Variants in HUWE1 observed in about 807,000 individuals in gnomAD.
The protein encoded by HUWE1 is HECT, UBA and WWE domain containing E3 ubiquitin protein ligase 1.
Under a neutral mutation model 299.4 loss-of-function variants are expected in HUWE1, and 18 were observed. The ratio of observed to expected loss-of-function variants is 0.06; its 90% CI spans 0.04 to 0.09. The LOEUF (loss-of-function observed/expected upper bound fraction) is 0.09, where lower values mean the gene tolerates loss of function less well. Ranked by LOEUF, HUWE1 falls within the 10% of genes least tolerant of loss-of-function variation. HUWE1 has a pLI of 1.00. For synonymous variants in HUWE1, 1,317 were observed against 1,286.1 expected, an observed-to-expected ratio of 1.02 and a Z score of -0.51; for missense variants, 1,832 against 3,462.3, an observed-to-expected ratio of 0.53 and a Z score of 11.82.
chrX:53,553,576 G>A (rs1465305033), intron 61 of HUWE1, among the ~76,000 whole-genome samples: 2 of 107,792 alleles, frequency 1.9e-5, no homozygotes, highest in Non-Finnish European at 3.9e-5. Flanking sequence ...TTGGGAGGCC[G>A]AGGCGGGTGG....
intron 48 of HUWE1, among the ~76,000 whole-genome samples, 163 bp downstream of exon 48, chrX:53,569,453 T>C (rs1569453289): frequency 8.8e-6 from 1 of 113,190 alleles, no homozygotes; most frequent in Non-Finnish European, 1.9e-5. Flanking sequence ...TGGTAATCAG[T>C]GCTCTGGCTA....
At chrX:53,683,613 C>T (rs2070306296) in intron 2 of HUWE1, among the ~76,000 whole-genome samples, 1 of 111,374 alleles carries the variant, frequency 9.0e-6, no homozygotes, top group African/African-American at 3.3e-5. Context: ...CGGGCCCACA[C>T]GCGGCCGAGG....
chrX:53,578,713 TCCGGGAGGTGAGGGGCGCCTCTGCCCGG>T (rs2063374856), intron 43 of HUWE1, among the ~76,000 whole-genome samples: 1 of 65,500 alleles, frequency 1.5e-5, no homozygotes, highest in African/African-American at 6.2e-5. Flanking sequence ...AGCCGCCCCG[TCCGGGAGGTGAGGGGCGCCTCTGCCCGG>T]CCGCCCCTAC....
chrX:53,666,917 T>C (rs2069276876), intron 3 of HUWE1, among the ~76,000 whole-genome samples: 1 of 111,605 alleles, frequency 9.0e-6, no homozygotes, highest in Non-Finnish European at 1.9e-5. Flanking sequence ...CTAAAAAAAA[T>C]CCAAGTCACA....
At chrX:53,537,787 C>A in intron 77 of HUWE1, 91 bp from the exon 78 acceptor site, 1 of 908,502 alleles carries the variant, frequency 1.1e-6, no homozygotes, top group Non-Finnish European at 1.5e-6. Context: ...AATGATGCTC[C>A]TTCTATCCTC....
intron 36 of HUWE1, among the ~76,000 whole-genome samples, 162 bp downstream of exon 36, chrX:53,589,385 G>A (rs1361172936): frequency 8.9e-6 from 1 of 111,958 alleles, no homozygotes; most frequent in African/African-American, 3.3e-5. Context: ...GTGCGATGTA[G>A]TTAACACACT....
At chrX:53,550,641 G>T (rs2061730737) in intron 66 of HUWE1, 25 bp downstream of exon 66, 2 of 1,167,284 alleles carry the variant, frequency 1.7e-6, no homozygotes, top group South Asian at 3.6e-5. Context: ...TGGTGATATG[G>T]TAAGGTAAAA....
Position 53,561,741 on chromosome X carries a change from G to A in HUWE1, c.7507+15C>T. On this transcript the variant is annotated intron_variant, in intron 55 of 83. Transcript: ENST00000262854. ...AATCAAGAGAGAAAAACCCAGCTGA[G>A]CCCCTGTATCTTACTAGCACTGGAG... 8.3e-7 allele frequency: 1 copy of A among 1,210,580 alleles called. No homozygotes were observed. Among genetic ancestry groups the A allele is most frequent in the Non-Finnish European group, 1.1e-6 (1 of 894,932 alleles).
rs188699310 is a variant in HUWE1, at chrX:53,596,202, G to A, written c.3164-799C>T. On this transcript the variant is annotated intron_variant, in intron 29 of 83. Transcript: ENST00000262854. ...AGGTCTGAATCAAAGTACAGCTGAC[G>A]CTTGATCAACACAGGTTTTCAACTA... 4.5e-5 allele frequency among the ~76,000 whole-genome samples: 5 copies of A among 111,653 alleles called. No homozygotes were observed. The East Asian group carries it at 1.1e-3, about 25-fold the overall frequency.
intron 27 of HUWE1, 32 bp from the exon 28 acceptor site, chrX:53,602,690 T>A: frequency 2.4e-6 from 1 of 424,493 alleles, no homozygotes. Context: ...GCAAAAGAAA[T>A]ATATATATAT....
rs1231621576 is a variant in HUWE1 at position 53,533,085 on chromosome X, A to G, written c.*224T>C. 1 of 423,338 alleles carries G rather than the reference A, an allele frequency of 2.4e-6. No homozygotes were observed. Among genetic ancestry groups the G allele is most frequent in the Non-Finnish European group, 4.2e-6 (1 of 239,746 alleles). 34.9% of individuals were successfully genotyped at this position (423,338 alleles called of 1,213,427 possible). A position where few individuals can be genotyped will look rare whatever the true frequency, so the allele number is the denominator to read the frequency against. Reference sequence around the variant, plus strand: ...AAAACACATGGGGTGGGGATCATGGACGGCATGGAAAGGGGAGAGAAGGTG... The same window carrying G: ...AAAACACATGGGGTGGGGATCATGGGCGGCATGGAAAGGGGAGAGAAGGTG... On this transcript the variant is annotated 3_prime_UTR_variant, in exon 84 of 84. Transcript: ENST00000262854.
At chrX:53,602,699 A>ATG (rs1556992219) in intron 27 of HUWE1, 41 bp from the exon 28 acceptor site, 4 of 663,758 alleles carry the variant, frequency 6.0e-6, no homozygotes, top group Non-Finnish European at 9.4e-6. Flanking sequence ...ATATATATAT[A>ATG]TATATACTGA....
intron 37 of HUWE1, 132 bp from the exon 38 acceptor site, chrX:53,587,041 T>C: frequency 1.4e-6 from 1 of 726,026 alleles, no homozygotes; most frequent in Non-Finnish European, 2.1e-6. Context: ...AAATTTTACC[T>C]CTTACCATTT....
intron 74 of HUWE1, among the ~76,000 whole-genome samples, chrX:53,540,096 G>C (rs1308949559): frequency 8.9e-6 from 1 of 112,559 alleles, no homozygotes; most frequent in African/African-American, 3.2e-5. Flanking sequence ...GATAGTGCTA[G>C]TCTAGTCACT....
chrX:53,616,016 G>A (rs782797754), intron 21 of HUWE1, among the ~76,000 whole-genome samples, 181 bp from the exon 22 acceptor site: 1 of 110,898 alleles, frequency 9.0e-6, no homozygotes, highest in South Asian at 3.9e-4. Flanking sequence ...GGACTCAAGC[G>A]ATCCTCCCAC....
At chrX:53,543,043 A>C (rs2061416516) in intron 73 of HUWE1, among the ~76,000 whole-genome samples, 1 of 111,029 alleles carries the variant, frequency 9.0e-6, no homozygotes, top group South Asian at 3.9e-4. Flanking sequence ...GAGACTCGGC[A>C]GAAAAAATAC....
At chrX:53,632,630 C>T (rs2149078127) in intron 8 of HUWE1, 66 bp from the exon 9 acceptor site, 2 of 825,273 alleles carry the variant, frequency 2.4e-6, no homozygotes, top group East Asian at 6.3e-5. Flanking sequence ...TTATCCCCCA[C>T]ATCTTCCCTC....
chrX:53,636,436 G>A (rs1279455031), intron 7 of HUWE1, among the ~76,000 whole-genome samples: 1 of 112,882 alleles, frequency 8.9e-6, no homozygotes, highest in Admixed American at 9.3e-5. Context: ...TTTAACAGAC[G>A]GCCAGGTGCG....
At chrX:53,681,907 C>T (rs2070177897) in intron 2 of HUWE1, among the ~76,000 whole-genome samples, 1 of 111,445 alleles carries the variant, frequency 9.0e-6, no homozygotes, top group African/African-American at 3.3e-5. Flanking sequence ...GGTGGTCATT[C>T]CAGGATAGTG....
Sources: gnomAD v4.1 joint callset for allele counts (sites outside exome capture counted in the v4.1 genomes callset) on GRCh38, gnomAD v4.1.1 for gene constraint, MANE v1.5 for transcripts, NCBI Gene and HGNC (gene_info 2026-07-23, HGNC 2026-07-21) for gene names.